Variants in TCN1 observed in about 807,000 individuals in gnomAD.
The protein encoded by TCN1 is transcobalamin-1.
In TCN1, 47 loss-of-function variants were observed where a neutral mutation model predicts 46.3. The observed-to-expected ratio is 1.01, with a 90% CI of 0.80 to 1.29. The LOEUF (loss-of-function observed/expected upper bound fraction) is 1.29, where lower values mean the gene tolerates loss of function less well. Ranked by LOEUF, TCN1 falls within the 50% of genes most tolerant of loss-of-function variation. The pLI, the probability that TCN1 is intolerant of heterozygous loss-of-function variation, is 0.00. For missense variants in TCN1, 532 were observed against 511.0 expected (o/e 1.04, Z -0.40); for synonymous variants, 183 against 192.5 (o/e 0.95, Z 0.41).
chr11:59,855,942 G>A lies in TCN1; in HGVS notation c.864C>T (p.Ala288=), dbSNP rs1227970795. 1.9e-6 allele frequency: 3 copies of A among 1,613,688 alleles called. No homozygotes were observed. The highest frequency in any genetic ancestry group is 1.7e-6 in the Non-Finnish European group (2 of 1,179,802). Residue 288 remains alanine (A), a synonymous_variant, in exon 6 of 9, where the codon GCC becomes GCT. Coordinates refer to ENST00000257264, the MANE Select transcript of TCN1 (RefSeq NM_001062.4). ...TTCCCATCAGGGCAGGTAAGACCTG[G>A]GCTGCAGCGTTTGGATTGCTGAATG... is the stretch of plus-strand genomic sequence containing the variant. ...QGAFSNPNAA[A]QVLPALMGKT...
intron 3 of TCN1, 38 bp from the exon 4 acceptor site, chr11:59,861,720 G>A: frequency 6.2e-7 from 1 of 1,604,494 alleles, no homozygotes; most frequent in Non-Finnish European, 8.5e-7. Flanking sequence ...AATCATGGAA[G>A]TGGTAATGGC....
At chr11:59,855,753 C>T in intron 6 of TCN1, 116 bp downstream of exon 6, 1 of 1,137,846 alleles carries the variant, frequency 8.8e-7, no homozygotes, top group Admixed American at 1.8e-5. Flanking sequence ...TCTCTGGCAA[C>T]TGTTATGTTT....
Position 59,862,687 on chromosome 11 carries a change from T to A in TCN1, c.295A>T (p.Ile99Leu), listed in dbSNP as rs1853029075. ...TTACGACATACTCCCAAAGCCAGTA[T>A]AATCAAGGCAAGCTCTCCCGAGCTT... Reference protein sequence around the residue: ...DVSSGELALIILALGVCRNAE... With the variant: ...DVSSGELALILLALGVCRNAE... Residue 99 changes from isoleucine (I) to leucine (L), a missense_variant, in exon 3 of 9, where the codon ATA becomes TTA. Ile to Leu is a conservative substitution (Grantham distance 5). Coordinates refer to ENST00000257264, the MANE Select transcript of TCN1 (RefSeq NM_001062.4). The A allele has an allele frequency of 6.2e-7, 1 of 1,613,812 alleles. No individual in the cohort carries two copies.
In TCN1 at chr11:59,853,320, A is replaced by G; in HGVS notation, c.1123T>C (p.Phe375Leu). 5.6e-6 allele frequency: 9 copies of G among 1,613,350 alleles called. No individual in the cohort carries two copies. Among genetic ancestry groups the G allele is most frequent in the Non-Finnish European group, 7.6e-6 (9 of 1,179,296 alleles). The change falls in exon 8 of 9, where the codon TTC becomes CTC. Residue 375 changes from phenylalanine to leucine, a missense_variant and splice_region_variant. Transcript: ENST00000257264. Reference protein sequence around the residue: ...AQKMNDTIFGFTMEERSWGPY... With the variant: ...AQKMNDTIFGLTMEERSWGPY... ...CCCCATGAGCGCTCCTCCATTGTGA[A>G]ACTGTGGGTGACAGCAAGTAGGTTA... is the stretch of plus-strand genomic sequence containing the variant.
At chr11:59,865,052 A>G (rs972405700) in intron 1 of TCN1, among the ~76,000 whole-genome samples, 12 of 152,206 alleles carry the variant, frequency 7.9e-5, no homozygotes, top group African/African-American at 2.9e-4. Context: ...AAACCACCGA[A>G]TAAACTGTAA....
rs749197674 is a variant in TCN1 at position 59,853,279 on chromosome 11, A to G, written c.1164T>C (p.Cys388=). 8 of 1,614,124 alleles carry G rather than the reference A, an allele frequency of 5.0e-6. No homozygotes were observed. Among genetic ancestry groups the G allele is most frequent in the Non-Finnish European group, 6.8e-6 (8 of 1,180,016 alleles). ...EERSWGPYIT[C]IQGLCANNND... ...TATTGTTGGCACATAGGCCCTGAAT[A>G]CAGGTGATATAGGGCCCCCATGAGC... The change falls in exon 8 of 9, where the codon TGT becomes TGC. Residue 388 remains cysteine, a synonymous_variant. Transcript: ENST00000257264.
chr11:59,859,525 T>C (rs1240918856), intron 4 of TCN1, among the ~76,000 whole-genome samples: 1 of 152,228 alleles, frequency 6.6e-6, no homozygotes, highest in Non-Finnish European at 1.5e-5. Flanking sequence ...CCTCATACTG[T>C]AGTGCGATGG....
rs1483446207 is a variant in TCN1, at chr11:59,864,031, CT to C, written c.134del (p.Gln45ArgfsTer27). The C allele has an allele frequency of 6.2e-7, 1 of 1,613,928 alleles. No individual in the cohort carries two copies. Among genetic ancestry groups the C allele is most frequent in the Non-Finnish European group, 8.5e-7 (1 of 1,179,838 alleles). The part of the protein sequence containing the change: ...RLKPLLNTMI[Q>X]SNYNRGTSAV... Reference sequence around the variant, plus strand: ...CGCTGGTTCCCCTGTTATAGTTTGACTGGATCATTGTATTCAACAGAGGTTT... The same window carrying C: ...CGCTGGTTCCCCTGTTATAGTTTGACGGATCATTGTATTCAACAGAGGTTT... On this transcript the variant is annotated frameshift_variant, in exon 2 of 9. Coordinates refer to ENST00000257264, the MANE Select transcript of TCN1 (RefSeq NM_001062.4). LOFTEE classifies it high-confidence loss of function.
intron 5 of TCN1, among the ~76,000 whole-genome samples, chr11:59,857,936 T>C (rs1852964348): frequency 6.6e-6 from 1 of 152,184 alleles, no homozygotes; most frequent in Admixed American, 6.5e-5. Context: ...TTTGCTCTTA[T>C]CAGCGGGGGA....
Position 59,862,660 on chromosome 11 carries a change from C to T in TCN1, c.322G>A (p.Ala108Thr), listed in dbSNP as rs757531697. 86 of 1,613,582 alleles carry T rather than the reference C, an allele frequency of 5.3e-5. No individual in the cohort carries two copies. Among genetic ancestry groups the T allele is most frequent in the Non-Finnish European group, 6.1e-5 (72 of 1,179,814 alleles). The change falls in exon 3 of 9, where the codon GCT becomes ACT. Residue 108 changes from alanine to threonine, a missense_variant. Transcript: ENST00000257264. ...TAATCATATATTAAGTTTTCCTCAG[C>T]GTTACGACATACTCCCAAAGCCAGT... Reference protein sequence around the residue: ...IILALGVCRNAEENLIYDYHL... With the variant: ...IILALGVCRNTEENLIYDYHL...
intron 4 of TCN1, 59 bp from the exon 5 acceptor site, chr11:59,859,326 G>A (rs1472994806): frequency 5.0e-6 from 8 of 1,587,210 alleles, no homozygotes; most frequent in East Asian, 4.5e-5. Context: ...GTCCTGGGCC[G>A]AGAGGTTTCC....
intron 5 of TCN1, among the ~76,000 whole-genome samples, chr11:59,856,586 G>A (rs866237270): frequency 2.0e-5 from 3 of 152,078 alleles, no homozygotes; most frequent in African/African-American, 7.2e-5. Flanking sequence ...CATGAACAAA[G>A]GTGTTAGGTA....
At chr11:59,854,857 A>G in intron 6 of TCN1, 22 bp from the exon 7 acceptor site, 1 of 1,613,744 alleles carries the variant, frequency 6.2e-7, no homozygotes, top group Non-Finnish European at 8.5e-7. Context: ...AGAAAAGCCC[A>G]GAGCAATATT....
Position 59,854,659 on chromosome 11 carries a change from T to C in TCN1, c.1114A>G (p.Ile372Val), listed in dbSNP as rs367928670. ...MEKAQKMNDT[I>V]FGFTMEERSW... ...GGTTAGGTACAGACCTACCCAAATA[T>C]AGTATCATTCATTTTCTGGGCTTTC... Residue 372 changes from isoleucine to valine, a missense_variant, in exon 7 of 9, where the codon ATA becomes GTA. Ile to Val is a conservative substitution (Grantham distance 29, BLOSUM62 3). Transcript: ENST00000257264. 1,117 of 1,613,800 alleles carry C rather than the reference T, an allele frequency of 6.9e-4. 16 individuals carry two copies. The South Asian group carries it at 0.011, about 15-fold the overall frequency.
chr11:59,863,827 T>A, intron 2 of TCN1, 80 bp downstream of exon 2: 4 of 1,546,770 alleles, frequency 2.6e-6, no homozygotes, highest in Non-Finnish European at 3.6e-6. Context: ...TTTGGATGCA[T>A]AATTTTTTAG....
intron 4 of TCN1, among the ~76,000 whole-genome samples, chr11:59,860,225 G>A (rs1224144666): frequency 2.6e-5 from 4 of 152,126 alleles, no homozygotes; most frequent in Admixed American, 1.3e-4. Context: ...TGCCTCCTGG[G>A]TTCTAGTGAT....
chr11:59,854,553 G>T (rs1852905458), intron 7 of TCN1, 99 bp downstream of exon 7: 2 of 1,313,896 alleles, frequency 1.5e-6, no homozygotes, highest in Non-Finnish European at 1.1e-6. Flanking sequence ...TGACCCAGAA[G>T]CATTTTAAAT....
At chr11:59,862,967 A>G (rs1590867531) in intron 2 of TCN1, among the ~76,000 whole-genome samples, 1 of 152,196 alleles carries the variant, frequency 6.6e-6, no homozygotes, top group Non-Finnish European at 1.5e-5. Flanking sequence ...CCTAGGCTAT[A>G]GGGTACAGCT....
At chr11:59,864,199 C>G in intron 1 of TCN1, 113 bp from the exon 2 acceptor site, 1 of 1,201,378 alleles carries the variant, frequency 8.3e-7, no homozygotes, top group Admixed American at 1.8e-5. Context: ...CTAGACCAAT[C>G]CAGTGGCTGC....
Sources: allele counts gnomAD v4.1 joint callset (sites outside exome capture counted in the v4.1 genomes callset), GRCh38; gene constraint gnomAD v4.1.1; transcripts MANE v1.5; gene names NCBI Gene and HGNC (gene_info 2026-07-23, HGNC 2026-07-21).